The following TMEM232 variants were observed in gnomAD, a reference collection of about 807,000 sequenced individuals.
TMEM232 encodes the protein transmembrane protein 232.
In TMEM232, 80 loss-of-function variants were observed where a neutral mutation model predicts 78.8. The observed-to-expected ratio is 1.01, with a 90% CI of 0.85 to 1.22. The LOEUF (loss-of-function observed/expected upper bound fraction) is 1.22. TMEM232 is among the 50% of genes most tolerant of loss of function. TMEM232 has a pLI of 0.00. For missense variants in TMEM232, 881 were observed against 742.2 expected (o/e 1.19, Z -2.17); for synonymous variants, 297 against 254.3 (o/e 1.17, Z -1.60).
At chr5:110,587,982 C>A (rs1381897178) in intron 10 of TMEM232, among the ~76,000 whole-genome samples, 2 of 151,364 alleles carry the variant, frequency 1.3e-5, no homozygotes, top group Non-Finnish European at 2.9e-5. Flanking sequence ...AAAATATTTT[C>A]CATGTATAAA....
At chr5:110,550,503 C>T (rs1195278421) in intron 11 of TMEM232, among the ~76,000 whole-genome samples, 2 of 151,798 alleles carry the variant, frequency 1.3e-5, no homozygotes, top group Non-Finnish European at 2.9e-5. Context: ...AACTTTTGAA[C>T]TATAAAAACA....
chr5:110,453,059 G>A (rs1307617250), intron 12 of TMEM232, among the ~76,000 whole-genome samples: 1 of 152,078 alleles, frequency 6.6e-6, no homozygotes, highest in African/African-American at 2.4e-5. Flanking sequence ...GAGTTACATT[G>A]TTATAACAGT....
intron 12 of TMEM232, among the ~76,000 whole-genome samples, chr5:110,522,605 A>G (rs1388724136): frequency 1.3e-5 from 2 of 152,056 alleles, no homozygotes; most frequent in African/African-American, 4.8e-5. Context: ...AAATTTGGTG[A>G]CAGTTTTTAT....
chr5:110,536,536 T>A (rs909465529), intron 11 of TMEM232, among the ~76,000 whole-genome samples: 1 of 152,196 alleles, frequency 6.6e-6, no homozygotes, highest in South Asian at 2.1e-4. Flanking sequence ...TCTTTTCTTA[T>A]AGTCACTGAT....
At chr5:110,483,985 AG>A (rs1741764434) in intron 12 of TMEM232, among the ~76,000 whole-genome samples, 3 of 152,220 alleles carry the variant, frequency 2.0e-5, no homozygotes, top group African/African-American at 7.2e-5. Flanking sequence ...AACTATAATA[AG>A]GAACAAAATC....
chr5:110,630,643 A>C (rs1253687993), intron 5 of TMEM232, among the ~76,000 whole-genome samples: 1 of 152,134 alleles, frequency 6.6e-6, no homozygotes, highest in African/African-American at 2.4e-5. Context: ...AAGCTCCCTG[A>C]GGCCTCCCAG....
intron 1 of TMEM232, among the ~76,000 whole-genome samples, chr5:110,670,182 A>G (rs1240340610): frequency 1.3e-5 from 2 of 152,176 alleles, no homozygotes; most frequent in Non-Finnish European, 2.9e-5. Context: ...GGAAAAGAGG[A>G]AGTCAAATTG....
In TMEM232 at chr5:110,579,161, C is replaced by A. The variant is rs568630470; in HGVS notation, c.1277-10536G>T. 2.0e-5 allele frequency among the ~76,000 whole-genome samples: 3 copies of A among 150,496 alleles called. No individual in the cohort carries two copies. In the South Asian group the frequency reaches 6.3e-4, roughly 32 times the overall value. On this transcript the variant is annotated intron_variant, in intron 10 of 13. Coordinates refer to ENST00000455884, the MANE Select transcript of TMEM232 (RefSeq NM_001039763.4). ...AAGACTACCCAAAGATTTTTTTAAG[C>A]AGGAATTTTGCCTGCCAGAAGGGAG...
chr5:110,538,776 C>T (rs913503428), intron 11 of TMEM232, among the ~76,000 whole-genome samples: 1 of 151,534 alleles, frequency 6.6e-6, no homozygotes, highest in Non-Finnish European at 1.5e-5. Flanking sequence ...CTGAGGAGCC[C>T]CAGGTAATTC....
At chr5:110,532,712 T>A (rs1771716107) in intron 11 of TMEM232, among the ~76,000 whole-genome samples, 1 of 152,190 alleles carries the variant, frequency 6.6e-6, no homozygotes, top group East Asian at 1.9e-4. Context: ...CCTCCTCTTG[T>A]ATCCCCCCAC....
rs553294200 is a variant in TMEM232 at position 110,647,927 on chromosome 5, T to A, written c.126-5556A>T. Among the ~76,000 whole-genome samples, 20 of 152,154 alleles carry A rather than the reference T, an allele frequency of 1.3e-4. No individual in the cohort carries two copies. The South Asian group carries it at 2.7e-3, about 20-fold the overall frequency. ...CTCTGCTTATAAATACATTTATACA[T>A]ATCATTATTTTATTACTATAAGACT... On this transcript the variant is annotated intron_variant, in intron 2 of 13. Transcript: ENST00000455884.
intron 10 of TMEM232, among the ~76,000 whole-genome samples, chr5:110,577,319 A>G (rs1201854041): frequency 6.6e-6 from 1 of 152,144 alleles, no homozygotes; most frequent in East Asian, 1.9e-4. Context: ...CAAAACCACA[A>G]TGAGATACCA....
intron 10 of TMEM232, among the ~76,000 whole-genome samples, chr5:110,571,072 C>T (rs2149692841): frequency 6.6e-6 from 1 of 152,156 alleles, no homozygotes; most frequent in South Asian, 2.1e-4. Context: ...TCTATCGAGA[C>T]TCCTGCATTC....
chr5:110,699,958 C>A (rs1401834529), intron 1 of TMEM232, among the ~76,000 whole-genome samples: 1 of 152,056 alleles, frequency 6.6e-6, no homozygotes, highest in Admixed American at 6.6e-5. Flanking sequence ...ATCTAACCAC[C>A]AGGACTTATG....
At chr5:110,737,141 ACAATGCAAG>A (rs1169000848) in intron 1 of TMEM232, among the ~76,000 whole-genome samples, 1 of 152,162 alleles carries the variant, frequency 6.6e-6, no homozygotes, top group East Asian at 1.9e-4. Context: ...GTCAGTTCTA[ACAATGCAAG>A]CACCTTGTCT....
At chr5:110,737,002 TAAA>T (rs5870418) in intron 1 of TMEM232, among the ~76,000 whole-genome samples, 153 of 134,618 alleles carry the variant, frequency 1.1e-3, no homozygotes, top group African/African-American at 2.0e-3. Flanking sequence ...TTCCTTATTC[TAAA>T]AAAAAAAAAA....
At chr5:110,633,212 C>G (rs1785365647) in intron 5 of TMEM232, among the ~76,000 whole-genome samples, 1 of 152,114 alleles carries the variant, frequency 6.6e-6, no homozygotes, top group African/African-American at 2.4e-5. Context: ...TATCAATAGA[C>G]TAGGCTTACA....
In TMEM232 at chr5:110,500,692, G is replaced by GA. The variant is rs370854859; in HGVS notation, c.1703+27895dup. On this transcript the variant is annotated intron_variant, in intron 12 of 13. Transcript: ENST00000455884. ...ATAAATAAAAGACAATAATATAAGG[G>GA]AAAAAAGCAATAACTATGGAATAAT... is the stretch of plus-strand genomic sequence containing the variant. 6.7e-3 allele frequency among the ~76,000 whole-genome samples: 1,011 copies of GA among 152,012 alleles called. 15 individuals carry two copies. The highest frequency in any genetic ancestry group is 0.023 in the African/African-American group (940 of 41,486).
chr5:110,515,396 C>G (rs1484114052), intron 12 of TMEM232, among the ~76,000 whole-genome samples: 1 of 152,170 alleles, frequency 6.6e-6, no homozygotes, highest in African/African-American at 2.4e-5. Flanking sequence ...AGGTTCTGGG[C>G]AGCTGGCATT....
Sources: gnomAD v4.1 joint callset for allele counts (sites outside exome capture counted in the v4.1 genomes callset) on GRCh38, gnomAD v4.1.1 for gene constraint, MANE v1.5 for transcripts, NCBI Gene and HGNC (gene_info 2026-07-23, HGNC 2026-07-21) for gene names.